DCLRE1C: variants seen among roughly 807,000 people sequenced by gnomAD.
DCLRE1C encodes DNA cross-link repair 1C, also known as protein artemis.
DCLRE1C carries 47 observed loss-of-function variants against 61.4 expected under a neutral mutation model. That is an observed-to-expected ratio of 0.77 (90% CI 0.61 to 0.98). The LOEUF (loss-of-function observed/expected upper bound fraction) is 0.98, where lower values mean the gene tolerates loss of function less well. DCLRE1C is among the 50% of genes least tolerant of loss of function. The probability of loss-of-function intolerance (pLI) is 0.00; values close to 1 mark genes in which losing one functional copy is unlikely to be tolerated. For missense variants in DCLRE1C, 858 were observed against 816.0 expected, an observed-to-expected ratio of 1.05 and a Z score of -0.63; for synonymous variants, 337 against 287.6, an observed-to-expected ratio of 1.17 and a Z score of -1.74.
Position 14,932,354 on chromosome 10 carries a change from C to G in DCLRE1C, c.780+500G>C, listed in dbSNP as rs41297966. ...GATTTCATCAGAAAACTATAAAGAT[C>G]TGGTTGGGGGTGGTGGCTCACGCCT... On this transcript the variant is annotated intron_variant, in intron 9 of 13. Coordinates refer to ENST00000378278, the MANE Select transcript of DCLRE1C (RefSeq NM_001033855.3). Among the ~76,000 whole-genome samples, 426 of 152,176 alleles carry G rather than the reference C, an allele frequency of 2.8e-3. 2 individuals carry two copies. Among genetic ancestry groups the G allele is most frequent in the African/African-American group, 9.7e-3 (404 of 41,524 alleles).
intron 1 of DCLRE1C, among the ~76,000 whole-genome samples, chr10:14,952,245 TA>T (rs1264558914): frequency 6.6e-6 from 1 of 152,114 alleles, no homozygotes; most frequent in Non-Finnish European, 1.5e-5. Context: ...ACACAAAAAG[TA>T]AAAATAGGCA....
At chr10:14,916,785 C>T (rs1422377388) in intron 13 of DCLRE1C, among the ~76,000 whole-genome samples, 2 of 152,168 alleles carry the variant, frequency 1.3e-5, no homozygotes, top group Non-Finnish European at 2.9e-5. Context: ...GAGAGGTATA[C>T]CATGTTCATG....
intron 4 of DCLRE1C, 61 bp from the exon 5 acceptor site, chr10:14,936,654 A>G (rs1839976231): frequency 3.4e-6 from 4 of 1,174,514 alleles, no homozygotes; most frequent in Non-Finnish European, 5.1e-6. Context: ...ACCTAGCTCA[A>G]CAAAGCCCTC....
chr10:14,906,425 A>G lies in DCLRE1C; in HGVS notation c.*1983T>C, dbSNP rs1276071343. Among the ~76,000 whole-genome samples, 1 of 152,244 alleles carries G rather than the reference A, an allele frequency of 6.6e-6. No individual in the cohort carries two copies. The highest frequency in any genetic ancestry group is 1.5e-5 in the Non-Finnish European group (1 of 68,050). On this transcript the variant is annotated 3_prime_UTR_variant, in exon 14 of 14. Transcript: ENST00000378278. The stretch of plus-strand genomic sequence containing the variant: ...CAGACTCACATATAAAACAAACGTA[A>G]CAGTATGTAATATTAATGTGATTAT...
At chr10:14,946,916 C>G (rs1436373125) in intron 2 of DCLRE1C, among the ~76,000 whole-genome samples, 1 of 152,092 alleles carries the variant, frequency 6.6e-6, no homozygotes, top group Non-Finnish European at 1.5e-5. Context: ...CTACGCCTGG[C>G]CTAAAGAGAC....
intron 8 of DCLRE1C, 41 bp from the exon 9 acceptor site, chr10:14,932,996 A>T: frequency 6.2e-7 from 1 of 1,600,510 alleles, no homozygotes. Flanking sequence ...TGTGAAATGT[A>T]TTTCCTATAA....
At chr10:14,932,327 T>A (rs966173324) in intron 9 of DCLRE1C, among the ~76,000 whole-genome samples, 4 of 152,162 alleles carry the variant, frequency 2.6e-5, no homozygotes, top group Non-Finnish European at 5.9e-5. Context: ...CGTGTATGAA[T>A]AGATTTCATC....
exon 14 of DCLRE1C, chr10:14,899,249 G>T (rs762095148): frequency 8.3e-5 from 58 of 702,018 alleles, no homozygotes; most frequent in Admixed American, 3.0e-4. Flanking sequence ...GATCCCAGGA[G>T]TTAAAGGATA....
intron 13 of DCLRE1C, chr10:14,899,586 C>T (rs2131714903): frequency 1.9e-6 from 3 of 1,614,104 alleles, no homozygotes; most frequent in African/African-American, 2.7e-5. Context: ...TCTATGACAA[C>T]AAGGGAATCA....
intron 13 of DCLRE1C, among the ~76,000 whole-genome samples, chr10:14,916,013 A>G (rs1430402089): frequency 2.0e-5 from 3 of 152,222 alleles, no homozygotes; most frequent in Non-Finnish European, 4.4e-5. Context: ...TGATCATCTC[A>G]ACAAATACAG....
Position 14,908,241 on chromosome 10 carries a change from C to T in DCLRE1C, c.*167G>A, listed in dbSNP as rs1204618132. 2 of 549,954 alleles carry T rather than the reference C, an allele frequency of 3.6e-6. No individual in the cohort carries two copies. The highest frequency in any genetic ancestry group is 6.4e-6 in the Non-Finnish European group (2 of 312,404). 34.1% of individuals were successfully genotyped at this position (549,954 alleles called of 1,614,324 possible). On this transcript the variant is annotated 3_prime_UTR_variant, in exon 14 of 14. Transcript: ENST00000378278. ...GCCAGGCTGGTGTCGAACTCCTGGG[C>T]TCAAGCCATTGCCCACCTCAAAGTG...
At chr10:14,930,746 T>G (rs1838854836) in intron 9 of DCLRE1C, among the ~76,000 whole-genome samples, 1 of 152,162 alleles carries the variant, frequency 6.6e-6, no homozygotes, top group Admixed American at 6.6e-5. Flanking sequence ...TTACGTTTTA[T>G]GTATACATTT....
intron 12 of DCLRE1C, among the ~76,000 whole-genome samples, chr10:14,922,151 C>A (rs550067303): frequency 6.6e-5 from 10 of 152,292 alleles, no homozygotes; most frequent in Admixed American, 1.3e-4. Context: ...CTAAAGAAAT[C>A]ATTCATGGGC....
rs547743851 is a variant in DCLRE1C at position 14,927,094 on chromosome 10, G to A, written c.918-197C>T. 3.3e-5 allele frequency among the ~76,000 whole-genome samples: 5 copies of A among 152,316 alleles called. No homozygotes were observed. In the East Asian group the frequency reaches 9.6e-4, roughly 29 times the overall value. ...GAACCTTTTCCAGAAGTGGAAACCT[G>A]TTGTAGACCGCGTGTGGTGGCTCAC... On this transcript the variant is annotated intron_variant, in intron 10 of 13. Coordinates refer to ENST00000378278, the MANE Select transcript of DCLRE1C (RefSeq NM_001033855.3).
At chr10:14,915,162 A>G (rs545241032) in intron 13 of DCLRE1C, among the ~76,000 whole-genome samples, 7 of 152,306 alleles carry the variant, frequency 4.6e-5, no homozygotes, top group Admixed American at 3.9e-4. Flanking sequence ...AGGGAAAATT[A>G]TAGCACTAAA....
intron 8 of DCLRE1C, among the ~76,000 whole-genome samples, chr10:14,933,964 T>C (rs1460794811): frequency 6.6e-6 from 1 of 152,084 alleles, no homozygotes; most frequent in Admixed American, 6.6e-5. Context: ...CATCTGTCCC[T>C]GTTTGCAGTT....
At position 14,953,104 on chromosome 10, in the gene DCLRE1C, C is replaced by T. The variant is rs561980863; in HGVS notation, c.109+798G>A. Among the ~76,000 whole-genome samples the T allele has an allele frequency of 5.1e-4, 77 of 152,360 alleles. 2 individuals carry two copies. In the South Asian group the frequency reaches 8.1e-3, roughly 16 times the overall value. On this transcript the variant is annotated intron_variant, in intron 1 of 13. Coordinates refer to ENST00000378278, the MANE Select transcript of DCLRE1C (RefSeq NM_001033855.3). The stretch of plus-strand genomic sequence containing the variant: ...CAGCAACTCCAGTGATTCCGTTTAT[C>T]ATTTTCTCCAATTAACACTAATGGC...
intron 9 of DCLRE1C, 123 bp downstream of exon 9, chr10:14,932,731 A>G: frequency 8.7e-7 from 1 of 1,144,032 alleles, no homozygotes; most frequent in Non-Finnish European, 1.3e-6. Context: ...TGAGCTAACA[A>G]CTTAGGATTG....
rs113330160 is a variant in DCLRE1C, at chr10:14,915,523, T to C, written c.1156+4215A>G. Among the ~76,000 whole-genome samples the C allele has an allele frequency of 7.1e-3, 1,071 of 151,520 alleles. 15 individuals carry two copies. Among genetic ancestry groups the C allele is most frequent in the African/African-American group, 0.024 (1,000 of 41,336 alleles). ...TTAAGAACAAGTTTATGCCAAAAAATTAAGCAACATGGATAAGACAAATTC... is the reference window on the plus strand; with the variant it reads ...TTAAGAACAAGTTTATGCCAAAAAACTAAGCAACATGGATAAGACAAATTC... On this transcript the variant is annotated intron_variant, in intron 13 of 13. Transcript: ENST00000378278.
Sources: gnomAD v4.1 joint callset for allele counts (sites outside exome capture counted in the v4.1 genomes callset) on GRCh38, gnomAD v4.1.1 for gene constraint, MANE v1.5 for transcripts, NCBI Gene and HGNC (gene_info 2026-07-23, HGNC 2026-07-21) for gene names.